The following C8orf34 variants were observed in gnomAD, a reference collection of about 807,000 sequenced individuals.
C8orf34 encodes chromosome 8 open reading frame 34.
In C8orf34, 65 loss-of-function variants were observed where a neutral mutation model predicts 68.3. That is an observed-to-expected ratio of 0.95 (90% CI 0.78 to 1.17). The LOEUF is 1.17. Ranked by LOEUF, C8orf34 falls within the 50% of genes most tolerant of loss-of-function variation. The pLI, the probability that C8orf34 is intolerant of heterozygous loss-of-function variation, is 0.00. For missense variants in C8orf34, 664 were observed against 655.4 expected (o/e 1.01, Z -0.14); for synonymous variants, 244 against 241.2 (o/e 1.01, Z -0.11).
chr8:68,462,437 G>A (rs569710299), intron 3 of C8orf34, among the ~76,000 whole-genome samples: 240 of 151,570 alleles, frequency 1.6e-3, no homozygotes, highest in African/African-American at 4.9e-3. Context: ...TGCACCAAGC[G>A]GACCTAATAG....
At position 68,750,136 on chromosome 8, in the gene C8orf34, T is replaced by C. The variant is rs115829144; in HGVS notation, c.1405-26263T>C. On this transcript the variant is annotated intron_variant, in intron 10 of 13. Coordinates refer to ENST00000518698, the MANE Select transcript of C8orf34 (RefSeq NM_052958.4). Reference sequence around the variant, plus strand: ...ACTCCTAGGAATATATCCAAACAAATTGAAAACAGGTATTTGAGGAAAAAC... The same window carrying C: ...ACTCCTAGGAATATATCCAAACAAACTGAAAACAGGTATTTGAGGAAAAAC... 5.4e-3 allele frequency among the ~76,000 whole-genome samples: 819 copies of C among 152,228 alleles called. 8 individuals carry two copies. Among genetic ancestry groups the C allele is most frequent in the African/African-American group, 0.018 (741 of 41,538 alleles).
chr8:68,512,478 C>T (rs1814317917), intron 5 of C8orf34, among the ~76,000 whole-genome samples: 1 of 152,156 alleles, frequency 6.6e-6, no homozygotes, highest in African/African-American at 2.4e-5. Flanking sequence ...TTGGGGAAGG[C>T]TGTCAAATAT....
intron 5 of C8orf34, among the ~76,000 whole-genome samples, chr8:68,508,437 T>C (rs2129633124): frequency 6.6e-6 from 1 of 152,342 alleles, no homozygotes; most frequent in South Asian, 2.1e-4. Flanking sequence ...TGGGCTTTTA[T>C]TAGTCAACAC....
chr8:68,368,123 T>C (rs1195751903), intron 1 of C8orf34, among the ~76,000 whole-genome samples: 3 of 152,108 alleles, frequency 2.0e-5, no homozygotes, highest in Non-Finnish European at 4.4e-5. Flanking sequence ...GCCAGCCTCC[T>C]AGGTGAACAC....
chr8:68,420,071 C>T (rs1809890930), intron 1 of C8orf34, among the ~76,000 whole-genome samples: 2 of 150,742 alleles, frequency 1.3e-5, no homozygotes, highest in Admixed American at 1.3e-4. Flanking sequence ...GATGACTGGC[C>T]TGAGATCCAG....
chr8:68,811,936 C>T (rs1468690381), intron 12 of C8orf34, among the ~76,000 whole-genome samples: 1 of 152,110 alleles, frequency 6.6e-6, no homozygotes, highest in African/African-American at 2.4e-5. Context: ...TCCGAAATTT[C>T]ACTGTGTCCC....
At chr8:68,654,064 C>A (rs1311766285) in intron 8 of C8orf34, among the ~76,000 whole-genome samples, 1 of 152,102 alleles carries the variant, frequency 6.6e-6, no homozygotes, top group Admixed American at 6.6e-5. Context: ...ATTCATACTA[C>A]TATTAATTTC....
chr8:68,804,712 G>A (rs902629502), intron 12 of C8orf34, among the ~76,000 whole-genome samples: 23 of 152,152 alleles, frequency 1.5e-4, no homozygotes, highest in Admixed American at 6.5e-4. Context: ...CGGGGAGGTC[G>A]ATGCTGCAGT....
intron 7 of C8orf34, among the ~76,000 whole-genome samples, chr8:68,638,107 G>A (rs1265102398): frequency 1.3e-5 from 2 of 152,116 alleles, no homozygotes; most frequent in Non-Finnish European, 2.9e-5. Context: ...GATCCAATAT[G>A]GTGGGCAGAA....
Position 68,794,495 on chromosome 8 carries a change from A to T in C8orf34, c.1549+6959A>T, listed in dbSNP as rs1563673951. 1.3e-4 allele frequency among the ~76,000 whole-genome samples: 11 copies of T among 85,352 alleles called. 1 individual carries two copies. The highest frequency in any genetic ancestry group is 3.3e-4 in the Admixed American group (3 of 9,040). The allele number at this position is 85,352 out of a possible 152,430, so 56.0% of individuals were successfully genotyped here. On this transcript the variant is annotated intron_variant, in intron 12 of 13. Transcript: ENST00000518698. ...TATATAAATATAAATATATATATAT[A>T]TATATATATATTTTTTTTTTTTTTT...
chr8:68,695,221 A>G (rs1041758595), intron 8 of C8orf34, among the ~76,000 whole-genome samples: 1 of 149,506 alleles, frequency 6.7e-6, no homozygotes, highest in South Asian at 2.1e-4. Flanking sequence ...ATCTCAACTC[A>G]CTGCAACCTC....
intron 8 of C8orf34, among the ~76,000 whole-genome samples, chr8:68,648,742 TA>T (rs1819254549): frequency 1.3e-5 from 2 of 152,238 alleles, no homozygotes; most frequent in African/African-American, 4.8e-5. Context: ...AACTTGTTCC[TA>T]AATAGCTTGT....
chr8:68,636,400 C>A (rs1358199242), intron 7 of C8orf34, among the ~76,000 whole-genome samples: 1 of 146,270 alleles, frequency 6.8e-6, no homozygotes, highest in Non-Finnish European at 1.5e-5. Context: ...ACAGTGAAAC[C>A]CTGCCTCTAC....
At chr8:68,716,457 A>G (rs549683122) in intron 9 of C8orf34, among the ~76,000 whole-genome samples, 1 of 152,332 alleles carries the variant, frequency 6.6e-6, no homozygotes, top group South Asian at 2.1e-4. Context: ...TCAATACATC[A>G]ACAGAAAAAT....
At chr8:68,462,346 A>T (rs1297438381) in intron 3 of C8orf34, among the ~76,000 whole-genome samples, 2 of 152,194 alleles carry the variant, frequency 1.3e-5, no homozygotes, top group Non-Finnish European at 2.9e-5. Context: ...ATAATGGGAG[A>T]ATCTAATACC....
chr8:68,603,549 C>G (rs4737913), intron 7 of C8orf34, among the ~76,000 whole-genome samples: 1 of 149,354 alleles, frequency 6.7e-6, no homozygotes, highest in Non-Finnish European at 1.5e-5. Context: ...ATCTATCTAT[C>G]TATCTATCTA....
At chr8:68,421,142 CTG>C (rs1238953317) in intron 1 of C8orf34, among the ~76,000 whole-genome samples, 4 of 152,126 alleles carry the variant, frequency 2.6e-5, no homozygotes, top group African/African-American at 7.2e-5. Flanking sequence ...CAAGACAAAA[CTG>C]TGTTTCAAGT....
intron 12 of C8orf34, among the ~76,000 whole-genome samples, chr8:68,811,336 G>T (rs1281786664): frequency 6.6e-6 from 1 of 152,218 alleles, no homozygotes; most frequent in Non-Finnish European, 1.5e-5. Flanking sequence ...AGTCACTTCC[G>T]AGCCTGCAGG....
At chr8:68,357,302 C>T (rs1420959863) in intron 1 of C8orf34, among the ~76,000 whole-genome samples, 9 of 152,040 alleles carry the variant, frequency 5.9e-5, no homozygotes, top group Non-Finnish European at 1.3e-4. Flanking sequence ...AAGTAGGTGA[C>T]AATGTTAAGC....
Sources: gnomAD v4.1 joint callset for allele counts (sites outside exome capture counted in the v4.1 genomes callset) on GRCh38, gnomAD v4.1.1 for gene constraint, MANE v1.5 for transcripts, NCBI Gene and HGNC (gene_info 2026-07-23, HGNC 2026-07-21) for gene names.